L3MBTL4: variants seen among roughly 807,000 people sequenced by gnomAD.
The protein encoded by L3MBTL4 is L3MBTL histone methyl-lysine binding protein 4.
A neutral mutation model predicts 84.5 loss-of-function variants in L3MBTL4; 70 were observed. The observed-to-expected ratio is 0.83, with a 90% CI of 0.68 to 1.01. L3MBTL4 has a LOEUF of 1.01. Among genes scored for constraint, L3MBTL4 ranks in the 50% least tolerant of loss-of-function variants. L3MBTL4 has a pLI of 0.00. For missense variants in L3MBTL4, 715 were observed against 754.8 expected, an observed-to-expected ratio of 0.95 and a Z score of 0.62; for synonymous variants, 274 against 259.8, an observed-to-expected ratio of 1.05 and a Z score of -0.52.
At chr18:6,067,714 A>T (rs1394666188) in intron 16 of L3MBTL4, among the ~76,000 whole-genome samples, 1 of 152,086 alleles carries the variant, frequency 6.6e-6, no homozygotes, top group Non-Finnish European at 1.5e-5. Flanking sequence ...AAATTTCTTT[A>T]TGTTGTTTTT....
intron 15 of L3MBTL4, among the ~76,000 whole-genome samples, chr18:6,082,171 A>G (rs1035589342): frequency 6.6e-6 from 1 of 152,200 alleles, no homozygotes; most frequent in Non-Finnish European, 1.5e-5. Context: ...CAGAGCAACT[A>G]GTGAAATAGT....
chr18:6,319,291 AAACAAC>A (rs146106283), intron 1 of L3MBTL4, among the ~76,000 whole-genome samples: 1 of 151,988 alleles, frequency 6.6e-6, no homozygotes, highest in Non-Finnish European at 1.5e-5. Flanking sequence ...AGTGAAATAG[AAACAAC>A]AACAACAACA....
chr18:6,232,020 G>C (rs2047018934), intron 10 of L3MBTL4, among the ~76,000 whole-genome samples: 1 of 152,046 alleles, frequency 6.6e-6, no homozygotes, highest in Non-Finnish European at 1.5e-5. Flanking sequence ...ATTCCCTGTG[G>C]GTTTTCATAT....
chr18:6,181,607 G>A (rs2044475229), intron 12 of L3MBTL4, among the ~76,000 whole-genome samples: 1 of 152,132 alleles, frequency 6.6e-6, no homozygotes, highest in Non-Finnish European at 1.5e-5. Context: ...TGGGATTACA[G>A]GTGTGAGCCA....
At chr18:6,318,494 T>TAAAAAAAAAAAAA (rs71370550) in intron 1 of L3MBTL4, among the ~76,000 whole-genome samples, 318 of 14,266 alleles carry the variant, frequency 0.022, 6 homozygotes, top group Non-Finnish European at 0.026. Context: ...ACAACAATAG[T>TAAAAAAAAAAAAA]AAAAAAAAAA....
chr18:5,987,972 C>T (rs921707453), intron 16 of L3MBTL4, among the ~76,000 whole-genome samples: 1 of 151,806 alleles, frequency 6.6e-6, no homozygotes, highest in Admixed American at 6.6e-5. Context: ...ATGCATATTA[C>T]AATATATAAT....
chr18:6,146,751 A>G (rs1446789506), intron 13 of L3MBTL4, among the ~76,000 whole-genome samples: 1 of 152,218 alleles, frequency 6.6e-6, no homozygotes, highest in Non-Finnish European at 1.5e-5. Flanking sequence ...GATGATGAGA[A>G]TATTTCAGTA....
Position 6,414,518 on chromosome 18 carries a change from G to A in L3MBTL4, c.-91+283C>T, listed in dbSNP as rs983180107. Among the ~76,000 whole-genome samples the A allele has an allele frequency of 6.6e-6, 1 of 152,002 alleles. No homozygotes were observed. The highest frequency in any genetic ancestry group is 1.5e-5 in the Non-Finnish European group (1 of 67,952). ...TGCCCTCGCGGCTGACCGAGGCGCC[G>A]GGCTCTGCGGCGGCCGCGCCCGTCC... is the stretch of plus-strand genomic sequence containing the variant. On this transcript the variant is annotated intron_variant, in intron 1 of 18. Transcript: ENST00000317931. The surrounding 1 kb of genome is among the most constrained non-coding windows in gnomAD (Gnocchi z 5.4).
intron 1 of L3MBTL4, among the ~76,000 whole-genome samples, chr18:6,388,123 AG>A (rs1341179362): frequency 1.3e-5 from 2 of 152,228 alleles, no homozygotes; most frequent in African/African-American, 4.8e-5. Context: ...TGTGAGGGCA[AG>A]GGTACTTTGT....
At chr18:5,981,974 CTGTGTGTGTGTG>C (rs374606293) in intron 16 of L3MBTL4, among the ~76,000 whole-genome samples, 2 of 137,326 alleles carry the variant, frequency 1.5e-5, no homozygotes, top group African/African-American at 5.5e-5. Context: ...TTTCAATATT[CTGTGTGTGTGTG>C]TGTGTGTGTG....
At chr18:6,052,656 T>C (rs1378606472) in intron 16 of L3MBTL4, among the ~76,000 whole-genome samples, 3 of 152,258 alleles carry the variant, frequency 2.0e-5, no homozygotes, top group African/African-American at 7.2e-5. Context: ...ACAATTCTTA[T>C]GTATTTTTCC....
chr18:6,285,838 A>C (rs1221882516), intron 4 of L3MBTL4, among the ~76,000 whole-genome samples: 1 of 143,788 alleles, frequency 7.0e-6, no homozygotes, highest in Non-Finnish European at 1.5e-5. Context: ...TATTATTATT[A>C]TTATTATTTT....
intron 16 of L3MBTL4, among the ~76,000 whole-genome samples, chr18:6,033,111 C>T (rs2055919856): frequency 6.6e-6 from 1 of 152,120 alleles, no homozygotes; most frequent in Non-Finnish European, 1.5e-5. Flanking sequence ...TAACTGTCTA[C>T]TTCTCCCTTC....
rs960702802 is a variant in L3MBTL4, at chr18:6,239,628, A to G, written c.707+90T>C. On this transcript the variant is annotated intron_variant, in intron 9 of 18. Transcript: ENST00000317931. ...TCCTAATGCTCATCACTATTAGAAG[A>G]GCAAAAACAGCAACAGTGCTAGAAT... The G allele has an allele frequency of 4.6e-6, 6 of 1,306,532 alleles. No homozygotes were observed. In the African/African-American group the frequency reaches 5.8e-5, roughly 13 times the overall value. 80.9% of individuals were successfully genotyped at this position (1,306,532 alleles called of 1,614,324 possible).
chr18:6,253,272 C>T (rs1274229692), intron 5 of L3MBTL4, among the ~76,000 whole-genome samples: 3 of 152,216 alleles, frequency 2.0e-5, no homozygotes, highest in East Asian at 1.9e-4. Context: ...ACATGAAGAA[C>T]TAAGGCTCAC....
At chr18:6,046,789 C>A (rs773869990) in intron 16 of L3MBTL4, 1 of 763,330 alleles carries the variant, frequency 1.3e-6, no homozygotes. Flanking sequence ...TAAACACTTA[C>A]CTCAAAAAGT....
At chr18:6,051,396 A>C (rs2056833626) in intron 16 of L3MBTL4, among the ~76,000 whole-genome samples, 1 of 152,064 alleles carries the variant, frequency 6.6e-6, no homozygotes, top group African/African-American at 2.4e-5. Context: ...AAAACTAGCC[A>C]GGCATGATGG....
chr18:6,327,261 C>T (rs1249182250), intron 1 of L3MBTL4, among the ~76,000 whole-genome samples: 2 of 152,122 alleles, frequency 1.3e-5, no homozygotes, highest in Non-Finnish European at 2.9e-5. Flanking sequence ...TGCCTAGAAC[C>T]TGGCTGTTTC....
intron 16 of L3MBTL4, among the ~76,000 whole-genome samples, chr18:6,014,938 G>A (rs1454452818): frequency 6.6e-6 from 1 of 151,834 alleles, no homozygotes; most frequent in Non-Finnish European, 1.5e-5. Context: ...AATCCTGGTG[G>A]CTTAGATTCA....
Sources: allele counts gnomAD v4.1 joint callset (sites outside exome capture counted in the v4.1 genomes callset), GRCh38; gene constraint gnomAD v4.1.1; non-coding constraint Gnocchi (gnomAD v3.1); transcripts MANE v1.5; gene names NCBI Gene and HGNC (gene_info 2026-07-23, HGNC 2026-07-21).